CNTN5: variants seen among roughly 807,000 people sequenced by gnomAD.
CNTN5 encodes the protein contactin-5.
In CNTN5, 77 loss-of-function variants were observed where a neutral mutation model predicts 129.1. That is an observed-to-expected ratio of 0.60 (90% CI 0.50 to 0.72). CNTN5 has a LOEUF of 0.72. Among genes scored for constraint, CNTN5 ranks in the 30% least tolerant of loss-of-function variants. The pLI is 0.00. For missense variants in CNTN5, 1,478 were observed against 1,328.8 expected (o/e 1.11, Z -1.75); for synonymous variants, 509 against 465.6 (o/e 1.09, Z -1.20).
At chr11:100,204,462 A>C (rs908019902) in intron 15 of CNTN5, among the ~76,000 whole-genome samples, 1 of 149,264 alleles carries the variant, frequency 6.7e-6, no homozygotes, top group South Asian at 2.1e-4. Flanking sequence ...AGATCTGTAA[A>C]TATAGATACA....
intron 6 of CNTN5, among the ~76,000 whole-genome samples, chr11:99,904,707 G>T (rs1365006198): frequency 6.6e-6 from 1 of 152,094 alleles, no homozygotes; most frequent in Non-Finnish European, 1.5e-5. Context: ...GATCCCTCAG[G>T]AATTGCCACA....
intron 1 of CNTN5, among the ~76,000 whole-genome samples, chr11:99,205,342 C>A (rs1255495113): frequency 6.6e-6 from 1 of 152,268 alleles, no homozygotes; most frequent in East Asian, 1.9e-4. Flanking sequence ...CCCTCCCCCT[C>A]TAGATCCATC....
intron 6 of CNTN5, among the ~76,000 whole-genome samples, chr11:99,854,994 A>G (rs1947989311): frequency 6.6e-6 from 1 of 152,186 alleles, no homozygotes; most frequent in Non-Finnish European, 1.5e-5. Context: ...GACTGATATC[A>G]CATGCTAAAG....
chr11:99,360,425 G>T (rs1251541681), intron 2 of CNTN5, among the ~76,000 whole-genome samples: 1 of 152,112 alleles, frequency 6.6e-6, no homozygotes, highest in African/African-American at 2.4e-5. Flanking sequence ...TCGGCTCCAT[G>T]GCTCTCCAGT....
In CNTN5 at chr11:100,350,684, C is replaced by T; in HGVS notation, c.3031-18C>T. 6.3e-7 allele frequency: 1 copy of T among 1,588,376 alleles called. No individual in the cohort carries two copies. Among genetic ancestry groups the T allele is most frequent in the Non-Finnish European group, 8.6e-7 (1 of 1,164,578 alleles). Reference sequence around the variant, plus strand: ...TAATCTTTCATATCAAATGTCTAAACCTTGTTATTACTCTCAGGTTTTTTA... The same window carrying T: ...TAATCTTTCATATCAAATGTCTAAATCTTGTTATTACTCTCAGGTTTTTTA... On this transcript the variant is annotated intron_variant, in intron 23 of 24. Coordinates refer to ENST00000524871, the MANE Select transcript of CNTN5 (RefSeq NM_014361.4).
At chr11:99,951,873 C>G (rs1437363142) in intron 7 of CNTN5, among the ~76,000 whole-genome samples, 1 of 152,128 alleles carries the variant, frequency 6.6e-6, no homozygotes, top group Non-Finnish European at 1.5e-5. Flanking sequence ...TAAATCCACT[C>G]TTGTTCTTAA....
At chr11:99,873,829 T>C (rs954826927) in intron 6 of CNTN5, among the ~76,000 whole-genome samples, 26 of 152,096 alleles carry the variant, frequency 1.7e-4, no homozygotes, top group Non-Finnish European at 3.4e-4. Context: ...AAAGGTTGAA[T>C]GGACAAAGCA....
Position 99,638,479 on chromosome 11 carries a change from AAAAGTCC to A in CNTN5, c.55+82224_55+82230del, listed in dbSNP as rs796554399. 7.2e-5 allele frequency among the ~76,000 whole-genome samples: 11 copies of A among 152,308 alleles called. No homozygotes were observed. The South Asian group carries it at 2.3e-3, about 32-fold the overall frequency. On this transcript the variant is annotated intron_variant, in intron 3 of 24. Transcript: ENST00000524871. The stretch of plus-strand genomic sequence containing the variant: ...TCTCGACTCATTTGGGCATTAACCC[AAAAGTCC>A]AAAGTCCAAAGTCTCATCTGAGTCA...
At chr11:100,017,738 G>A (rs540622662) in intron 9 of CNTN5, among the ~76,000 whole-genome samples, 38 of 152,022 alleles carry the variant, frequency 2.5e-4, no homozygotes, top group South Asian at 1.0e-3. Context: ...TTATTGTAGC[G>A]TCAACAGTGT....
chr11:99,475,963 C>T (rs74362465), intron 2 of CNTN5, among the ~76,000 whole-genome samples: 2 of 152,016 alleles, frequency 1.3e-5, no homozygotes, highest in African/African-American at 4.8e-5. Context: ...TGCCACCAGG[C>T]TTCATCTGAT....
intron 2 of CNTN5, among the ~76,000 whole-genome samples, chr11:99,362,288 G>C (rs141276256): frequency 6.6e-6 from 1 of 151,956 alleles, no homozygotes; most frequent in Non-Finnish European, 1.5e-5. Flanking sequence ...ACTCTCTGAA[G>C]AAATGTCTGT....
chr11:99,962,810 G>C (rs1174799728), intron 8 of CNTN5, among the ~76,000 whole-genome samples: 49 of 151,896 alleles, frequency 3.2e-4, no homozygotes, highest in Non-Finnish European at 5.4e-4. Flanking sequence ...CACATCATCT[G>C]CAGCACCTGT....
chr11:99,556,319 C>A, intron 3 of CNTN5, 50 bp downstream of exon 3: 2 of 1,156,046 alleles, frequency 1.7e-6, no homozygotes, highest in Non-Finnish European at 2.5e-6. Context: ...ATCAAAATAA[C>A]CAAAATATAT....
chr11:99,410,473 G>A lies in CNTN5; in HGVS notation c.-71+84989G>A, dbSNP rs1354200862. 2.0e-5 allele frequency among the ~76,000 whole-genome samples: 3 copies of A among 152,094 alleles called. No homozygotes were observed. In the East Asian group the frequency reaches 5.8e-4, roughly 29 times the overall value. On this transcript the variant is annotated intron_variant, in intron 2 of 24. Coordinates refer to ENST00000524871, the MANE Select transcript of CNTN5 (RefSeq NM_014361.4). The stretch of plus-strand genomic sequence containing the variant: ...GACTGTTCTAAATAACATGCTAGAT[G>A]CCTGATGTGAGTCCAAACTGTGGAA...
chr11:99,626,661 A>G lies in CNTN5; in HGVS notation c.55+70392A>G, dbSNP rs1396099677. Reference sequence around the variant, plus strand: ...TTTGTATAAAATACTATATATGAGGATAAAGATCTATGTAATCTAAAACAT... The same window carrying G: ...TTTGTATAAAATACTATATATGAGGGTAAAGATCTATGTAATCTAAAACAT... On this transcript the variant is annotated intron_variant, in intron 3 of 24. Transcript: ENST00000524871. 2.0e-5 allele frequency among the ~76,000 whole-genome samples: 3 copies of G among 152,262 alleles called. No individual in the cohort carries two copies. The East Asian group carries it at 5.8e-4, about 29-fold the overall frequency.
chr11:99,414,944 G>C (rs1360622837), intron 2 of CNTN5, among the ~76,000 whole-genome samples: 1 of 152,142 alleles, frequency 6.6e-6, no homozygotes, highest in Admixed American at 6.6e-5. Flanking sequence ...TTGGCTTCCT[G>C]TTATAAATAT....
intron 1 of CNTN5, among the ~76,000 whole-genome samples, chr11:99,151,245 G>T (rs1860038464): frequency 6.6e-6 from 1 of 152,002 alleles, no homozygotes; most frequent in Admixed American, 6.6e-5. Flanking sequence ...TAGAAAGATA[G>T]ATAGGTTAGG....
chr11:99,765,683 A>G (rs920702676), intron 3 of CNTN5, among the ~76,000 whole-genome samples: 3 of 151,302 alleles, frequency 2.0e-5, no homozygotes, highest in African/African-American at 7.3e-5. Flanking sequence ...GAATGCTGGA[A>G]TTTTTAATGT....
At chr11:99,169,499 G>T (rs1389642507) in intron 1 of CNTN5, among the ~76,000 whole-genome samples, 1 of 151,712 alleles carries the variant, frequency 6.6e-6, no homozygotes, top group Non-Finnish European at 1.5e-5. Context: ...AAATGAAAGA[G>T]GAAAAGAAAG....
Sources: allele counts gnomAD v4.1 joint callset (sites outside exome capture counted in the v4.1 genomes callset), GRCh38; gene constraint gnomAD v4.1.1; transcripts MANE v1.5; gene names NCBI Gene and HGNC (gene_info 2026-07-23, HGNC 2026-07-21).